Variants in LRMDA observed in about 807,000 individuals in gnomAD.
The protein encoded by LRMDA is leucine rich melanocyte differentiation associated.
LRMDA carries 18 observed loss-of-function variants against 29.8 expected under a neutral mutation model. That is an observed-to-expected ratio of 0.60 (90% confidence interval 0.42 to 0.90). The LOEUF (loss-of-function observed/expected upper bound fraction) is 0.90. Ranked by LOEUF, LRMDA falls within the 40% of genes least tolerant of loss-of-function variation. The probability of loss-of-function intolerance (pLI) is 0.00; values close to 1 mark genes in which losing one functional copy is unlikely to be tolerated. For missense variants in LRMDA, 273 were observed against 273.9 expected (o/e 1.00, Z 0.02); for synonymous variants, 125 against 109.4 (o/e 1.14, Z -0.89).
At chr10:76,146,713 T>C (rs982289629) in intron 5 of LRMDA, among the ~76,000 whole-genome samples, 4 of 152,318 alleles carry the variant, frequency 2.6e-5, no homozygotes, top group African/African-American at 7.2e-5. Context: ...TATGTGTGAA[T>C]TTGATCCTGT....
intron 6 of LRMDA, among the ~76,000 whole-genome samples, chr10:76,481,049 T>G (rs959034074): frequency 2.0e-5 from 3 of 151,932 alleles, no homozygotes; most frequent in Admixed American, 6.6e-5. Flanking sequence ...ATTTGTAGCT[T>G]ATTGATATTC....
chr10:75,447,494 C>T (rs906975989), intron 2 of LRMDA, among the ~76,000 whole-genome samples: 1 of 152,130 alleles, frequency 6.6e-6, no homozygotes, highest in African/African-American at 2.4e-5. Context: ...CCACTGCACA[C>T]CAGCCTGGGC....
At chr10:76,147,441 T>G (rs1377547512) in intron 5 of LRMDA, among the ~76,000 whole-genome samples, 1 of 152,216 alleles carries the variant, frequency 6.6e-6, no homozygotes, top group Admixed American at 6.5e-5. Context: ...CATTTCATCT[T>G]CCATCACTGA....
intron 5 of LRMDA, among the ~76,000 whole-genome samples, chr10:76,116,045 A>T (rs1849663036): frequency 6.6e-6 from 1 of 152,106 alleles, no homozygotes; most frequent in Non-Finnish European, 1.5e-5. Flanking sequence ...CTCGTGGTTT[A>T]TGTTCTGAGA....
chr10:76,179,457 C>A (rs1851003384), intron 5 of LRMDA, among the ~76,000 whole-genome samples: 2 of 152,152 alleles, frequency 1.3e-5, no homozygotes, highest in Non-Finnish European at 2.9e-5. Flanking sequence ...ATACTTTGTT[C>A]AGCTCTGCAG....
intron 2 of LRMDA, among the ~76,000 whole-genome samples, chr10:75,505,839 G>A (rs915568502): frequency 1.3e-5 from 2 of 152,124 alleles, no homozygotes; most frequent in African/African-American, 4.8e-5. Flanking sequence ...CTGATGGTGT[G>A]TCTCATGCTG....
At chr10:76,029,853 TG>T (rs1848120153) in intron 2 of LRMDA, among the ~76,000 whole-genome samples, 1 of 152,184 alleles carries the variant, frequency 6.6e-6, no homozygotes, top group African/African-American at 2.4e-5. Flanking sequence ...AATAGAGCTT[TG>T]GGGTTGACTT....
At chr10:76,541,600 A>C (rs1255846905) in intron 6 of LRMDA, among the ~76,000 whole-genome samples, 1 of 152,160 alleles carries the variant, frequency 6.6e-6, no homozygotes, top group East Asian at 1.9e-4. Context: ...TCCAGGGGTA[A>C]GAAGATGTTC....
chr10:76,331,140 A>G (rs964951974), intron 6 of LRMDA, among the ~76,000 whole-genome samples: 2 of 152,160 alleles, frequency 1.3e-5, no homozygotes, highest in Non-Finnish European at 2.9e-5. Context: ...GTGCAGTGGC[A>G]GGCACCTGTA....
At chr10:75,549,246 T>A (rs2132053696) in intron 2 of LRMDA, among the ~76,000 whole-genome samples, 1 of 152,234 alleles carries the variant, frequency 6.6e-6, no homozygotes, top group African/African-American at 2.4e-5. Flanking sequence ...GTTTAAAGTT[T>A]TAGCTATTTT....
chr10:75,577,193 A>G lies in LRMDA; in HGVS notation c.131+138699A>G, dbSNP rs553683658. Reference sequence around the variant, plus strand: ...GAATAACCAGTATAGAGAAGAACATATATGACCTGATGGAGCTGAAAAACA... The same window carrying G: ...GAATAACCAGTATAGAGAAGAACATGTATGACCTGATGGAGCTGAAAAACA... On this transcript the variant is annotated intron_variant, in intron 2 of 6. Coordinates refer to ENST00000611255, the MANE Select transcript of LRMDA (RefSeq NM_001305581.2). Among the ~76,000 whole-genome samples the G allele has an allele frequency of 8.5e-5, 13 of 152,338 alleles. No homozygotes were observed. The South Asian group carries it at 2.7e-3, about 32-fold the overall frequency.
chr10:76,058,244 A>G (rs1243035971), intron 4 of LRMDA, among the ~76,000 whole-genome samples: 2 of 152,344 alleles, frequency 1.3e-5, no homozygotes, highest in Non-Finnish European at 2.9e-5. Flanking sequence ...ATTATAGTCT[A>G]TGATACAGAT....
intron 2 of LRMDA, among the ~76,000 whole-genome samples, chr10:75,978,604 G>A (rs901129266): frequency 1.7e-4 from 26 of 152,190 alleles, no homozygotes; most frequent in African/African-American, 6.3e-4. Context: ...GAGAATGGGT[G>A]TGGACGCAGT....
intron 2 of LRMDA, among the ~76,000 whole-genome samples, chr10:75,856,388 A>T (rs1179043071): frequency 1.3e-5 from 2 of 152,184 alleles, no homozygotes; most frequent in Non-Finnish European, 2.9e-5. Context: ...AAAAAAGAGA[A>T]TTTTAGACCA....
chr10:75,770,169 T>C (rs1001022970), intron 2 of LRMDA, among the ~76,000 whole-genome samples: 1 of 152,000 alleles, frequency 6.6e-6, no homozygotes, highest in Non-Finnish European at 1.5e-5. Context: ...TACACACGTG[T>C]AGCCCCAGCT....
At chr10:75,927,349 G>C (rs535242428) in intron 2 of LRMDA, among the ~76,000 whole-genome samples, 2 of 152,296 alleles carry the variant, frequency 1.3e-5, no homozygotes, top group Non-Finnish European at 2.9e-5. Flanking sequence ...TCTTCAGCCT[G>C]TAGAGATCTG....
chr10:76,051,380 C>G (rs1343763114), intron 4 of LRMDA, among the ~76,000 whole-genome samples: 1 of 152,232 alleles, frequency 6.6e-6, no homozygotes, highest in South Asian at 2.1e-4. Context: ...TTCAAACATG[C>G]TGCCGGTGAA....
At chr10:75,540,112 A>G (rs919547627) in intron 2 of LRMDA, among the ~76,000 whole-genome samples, 6 of 152,200 alleles carry the variant, frequency 3.9e-5, no homozygotes, top group Non-Finnish European at 7.3e-5. Context: ...ACATTATACC[A>G]TATTGAAAAT....
chr10:76,419,284 T>G (rs1842049485), intron 6 of LRMDA, among the ~76,000 whole-genome samples: 1 of 152,142 alleles, frequency 6.6e-6, no homozygotes, highest in Admixed American at 6.5e-5. Context: ...CTGATCTTTT[T>G]ATTGTCTCCA....
Sources: allele counts gnomAD v4.1 joint callset (sites outside exome capture counted in the v4.1 genomes callset), GRCh38; gene constraint gnomAD v4.1.1; transcripts MANE v1.5; gene names NCBI Gene and HGNC (gene_info 2026-07-23, HGNC 2026-07-21).